Variants in MTX2 observed in about 807,000 individuals in gnomAD.
The protein encoded by MTX2 is metaxin-2.
MTX2 carries 35 observed loss-of-function variants against 42.3 expected under a neutral mutation model. That is an observed-to-expected ratio of 0.83 (90% CI 0.63 to 1.10). MTX2 has a LOEUF of 1.10. Ranked by LOEUF, MTX2 falls within the 50% of genes least tolerant of loss-of-function variation. The probability of loss-of-function intolerance (pLI) is 0.00; values close to 1 mark genes in which losing one functional copy is unlikely to be tolerated. For synonymous variants in MTX2, 119 were observed against 100.9 expected, an observed-to-expected ratio of 1.18 and a Z score of -1.08; for missense variants, 307 against 304.1, an observed-to-expected ratio of 1.01 and a Z score of -0.07.
intron 1 of MTX2, among the ~76,000 whole-genome samples, chr2:176,276,394 A>T: frequency 6.6e-6 from 1 of 152,166 alleles, no homozygotes; most frequent in East Asian, 1.9e-4. Flanking sequence ...GTGTTAAATG[A>T]TTTATATACG....
At chr2:176,331,260 A>G (rs1684856266) in intron 9 of MTX2, among the ~76,000 whole-genome samples, 1 of 151,114 alleles carries the variant, frequency 6.6e-6, no homozygotes, top group Admixed American at 6.6e-5. Context: ...GACTCTAATG[A>G]AGGCAAAGAA....
chr2:176,305,055 G>A (rs1016993211), intron 3 of MTX2, among the ~76,000 whole-genome samples: 1 of 151,848 alleles, frequency 6.6e-6, no homozygotes, highest in African/African-American at 2.4e-5. Context: ...ATTTTTATTG[G>A]CAAGCAATGC....
chr2:176,313,359 C>T (rs1466076949), intron 3 of MTX2, among the ~76,000 whole-genome samples: 1 of 147,644 alleles, frequency 6.8e-6, no homozygotes, highest in Non-Finnish European at 1.5e-5. Context: ...ATCTTCTGCT[C>T]ATTAACTTCT....
intron 3 of MTX2, among the ~76,000 whole-genome samples, chr2:176,302,126 GTTTTT>G (rs80143449): frequency 8.0e-6 from 1 of 125,268 alleles, no homozygotes; most frequent in Non-Finnish European, 1.7e-5. Flanking sequence ...AAAAGCTGGT[GTTTTT>G]TTTTTTTTTT....
At chr2:176,272,998 T>A (rs924913028) in intron 1 of MTX2, among the ~76,000 whole-genome samples, 1 of 152,162 alleles carries the variant, frequency 6.6e-6, no homozygotes, top group Non-Finnish European at 1.5e-5. Flanking sequence ...AGTCTCACAT[T>A]TTGGGAGGCA....
chr2:176,312,019 G>C (rs1023647781), intron 3 of MTX2, among the ~76,000 whole-genome samples: 7 of 152,186 alleles, frequency 4.6e-5, no homozygotes, highest in African/African-American at 1.7e-4. Flanking sequence ...AGCCATTCCT[G>C]TTCGGCCCTC....
At chr2:176,305,645 A>G (rs1392519857) in intron 3 of MTX2, among the ~76,000 whole-genome samples, 7 of 152,104 alleles carry the variant, frequency 4.6e-5, no homozygotes, top group Admixed American at 1.3e-4. Flanking sequence ...GAAAGCTTAT[A>G]TCTTTCTCTA....
At chr2:176,270,414 A>T (rs930762438) in intron 1 of MTX2, 3 of 1,361,916 alleles carry the variant, frequency 2.2e-6, no homozygotes, top group Admixed American at 3.8e-5. Context: ...TGACTGATGT[A>T]TATAGGTTTG....
At chr2:176,326,725 T>A (rs904883357) in intron 4 of MTX2, 100 bp from the exon 5 acceptor site, 6 of 739,640 alleles carry the variant, frequency 8.1e-6, no homozygotes, top group Admixed American at 3.4e-5. Flanking sequence ...ATGAAATCCC[T>A]ATTTATAAAT....
In MTX2 at chr2:176,337,565, A is replaced by G; in HGVS notation, c.693A>G (p.Glu231=). ...TTACCACACAATTGACAAATGATGAACTTTCTGAGAAGGTGAAAAACTATA... is the reference window on the plus strand; with the variant it reads ...TTACCACACAATTGACAAATGATGAGCTTTCTGAGAAGGTGAAAAACTATA... The part of the protein sequence containing the change: ...TILTTQLTND[E]LSEKVKNYSN... The change falls in exon 10 of 10, where the codon GAA becomes GAG. Residue 231 remains glutamate, a synonymous_variant. Transcript: ENST00000249442. 6.2e-7 allele frequency: 1 copy of G among 1,613,428 alleles called. No homozygotes were observed. Among genetic ancestry groups the G allele is most frequent in the Non-Finnish European group, 8.5e-7 (1 of 1,179,524 alleles).
At position 176,337,723 on chromosome 2, in the gene MTX2, A is replaced by G. The variant is rs1248208103; in HGVS notation, c.*59A>G. On this transcript the variant is annotated 3_prime_UTR_variant, in exon 10 of 10. Coordinates refer to ENST00000249442, the MANE Select transcript of MTX2 (RefSeq NM_006554.5). The stretch of plus-strand genomic sequence containing the variant: ...GAAATATGTTTTACTTGAATGTTAC[A>G]TTAGATATTGGTGTCAGAATTTTAA... The G allele has an allele frequency of 8.4e-6, 12 of 1,435,238 alleles. No individual in the cohort carries two copies. In the East Asian group the frequency reaches 1.2e-4, roughly 14 times the overall value. 88.9% of individuals were successfully genotyped at this position (1,435,238 alleles called of 1,614,324 possible). A position where few individuals can be genotyped will look rare whatever the true frequency, so the allele number is the denominator to read the frequency against.
intron 3 of MTX2, chr2:176,304,170 A>C (rs561707150): frequency 6.5e-6 from 1 of 154,546 alleles, no homozygotes; most frequent in Admixed American, 6.5e-5. Flanking sequence ...TCTTTCATAT[A>C]GTTCTAAGAT....
At chr2:176,296,091 T>C (rs1683869010) in intron 1 of MTX2, among the ~76,000 whole-genome samples, 1 of 152,200 alleles carries the variant, frequency 6.6e-6, no homozygotes, top group South Asian at 2.1e-4. Flanking sequence ...TCAAATCTAG[T>C]ACTTTTCCCA....
chr2:176,304,209 C>A (rs1397405523), intron 3 of MTX2: 1 of 154,374 alleles, frequency 6.5e-6, no homozygotes, highest in African/African-American at 2.4e-5. Flanking sequence ...ATAGCATCTT[C>A]ATTTATCTTC....
chr2:176,269,693 A>G, intron 1 of MTX2, 24 bp downstream of exon 1: 3 of 1,586,482 alleles, frequency 1.9e-6, no homozygotes, highest in East Asian at 2.3e-5. Context: ...CCGCAGACCC[A>G]GAAGGTGGCG....
intron 3 of MTX2, among the ~76,000 whole-genome samples, chr2:176,322,935 A>C (rs1039718712): frequency 7.2e-5 from 11 of 151,892 alleles, no homozygotes; most frequent in Admixed American, 5.3e-4. Flanking sequence ...GTATTACTGG[A>C]GAGAACTTTG....
intron 3 of MTX2, among the ~76,000 whole-genome samples, chr2:176,298,256 C>T (rs1683939094): frequency 2.0e-5 from 3 of 151,696 alleles, no homozygotes; most frequent in South Asian, 2.1e-4. Context: ...TTTTCTAATT[C>T]GTTAAGATTT....
intron 4 of MTX2, 51 bp from the exon 5 acceptor site, chr2:176,326,774 C>T (rs769601307): frequency 1.0e-5 from 12 of 1,156,182 alleles, no homozygotes; most frequent in African/African-American, 1.6e-5. Flanking sequence ...TTATCACAAA[C>T]TTTAACATAC....
intron 1 of MTX2, among the ~76,000 whole-genome samples, chr2:176,283,958 GCTT>G (rs776069251): frequency 6.6e-6 from 1 of 151,332 alleles, no homozygotes; most frequent in Non-Finnish European, 1.5e-5. Flanking sequence ...TAGTATCAGT[GCTT>G]CTTTTTTTTT....
Sources: allele counts gnomAD v4.1 joint callset (sites outside exome capture counted in the v4.1 genomes callset), GRCh38; gene constraint gnomAD v4.1.1; transcripts MANE v1.5; gene names NCBI Gene and HGNC (gene_info 2026-07-23, HGNC 2026-07-21).